Variants in LCLAT1 observed in about 807,000 individuals in gnomAD.
LCLAT1 encodes lysocardiolipin acyltransferase 1, also known as 1-AGP acyltransferase 8.
A neutral mutation model predicts 30.7 loss-of-function variants in LCLAT1; 11 were observed. The observed-to-expected ratio is 0.36, with a 90% CI of 0.23 to 0.59. The LOEUF is 0.59. Among genes scored for constraint, LCLAT1 ranks in the 20% least tolerant of loss-of-function variants. The pLI, the probability that LCLAT1 is intolerant of heterozygous loss-of-function variation, is 0.77. For synonymous variants in LCLAT1, 155 were observed against 151.3 expected, an observed-to-expected ratio of 1.02 and a Z score of -0.18; for missense variants, 402 against 458.6, an observed-to-expected ratio of 0.88 and a Z score of 1.13.
At chr2:30,482,301 C>G (rs1337904991) in intron 1 of LCLAT1, among the ~76,000 whole-genome samples, 2 of 151,768 alleles carry the variant, frequency 1.3e-5, no homozygotes, top group Non-Finnish European at 2.9e-5. Context: ...GATTTTTTTT[C>G]CAGGCATGTT....
intron 1 of LCLAT1, among the ~76,000 whole-genome samples, chr2:30,459,043 T>G (rs939162925): frequency 9.2e-5 from 14 of 152,230 alleles, no homozygotes; most frequent in Non-Finnish European, 5.9e-5. Context: ...GTTTTTGTAA[T>G]TTGGCAGTAG....
chr2:30,494,157 A>G (rs1360572619), intron 1 of LCLAT1, among the ~76,000 whole-genome samples: 1 of 152,196 alleles, frequency 6.6e-6, no homozygotes, highest in Non-Finnish European at 1.5e-5. Flanking sequence ...CAGGAGTTTG[A>G]GGTTGCAGTA....
intron 1 of LCLAT1, among the ~76,000 whole-genome samples, chr2:30,491,820 A>C (rs1464606628): frequency 6.6e-6 from 1 of 152,168 alleles, no homozygotes; most frequent in Non-Finnish European, 1.5e-5. Flanking sequence ...CTGGACTTTC[A>C]GGGGGAAGTG....
chr2:30,471,814 C>G (rs996345671), intron 1 of LCLAT1, among the ~76,000 whole-genome samples: 1 of 152,106 alleles, frequency 6.6e-6, no homozygotes, highest in African/African-American at 2.4e-5. Flanking sequence ...AGGATCATGT[C>G]ATGTGCAGAT....
chr2:30,508,146 T>A (rs1175163514), intron 1 of LCLAT1, among the ~76,000 whole-genome samples: 1 of 152,088 alleles, frequency 6.6e-6, no homozygotes, highest in Non-Finnish European at 1.5e-5. Flanking sequence ...GTTTTTCTCT[T>A]GTAAGTTTAA....
Position 30,539,779 on chromosome 2 carries a change from G to T in LCLAT1, c.364+6465G>T, listed in dbSNP as rs367898456. Among the ~76,000 whole-genome samples, 19 of 152,246 alleles carry T rather than the reference G, an allele frequency of 1.2e-4. No homozygotes were observed. In the East Asian group the frequency reaches 3.3e-3, roughly 26 times the overall value. Reference sequence around the variant, plus strand: ...AATCTCTAATAATTTGTTATTATGTGCTGTGTACAGAATACTGTGTAAGGG... The same window carrying T: ...AATCTCTAATAATTTGTTATTATGTTCTGTGTACAGAATACTGTGTAAGGG... On this transcript the variant is annotated intron_variant, in intron 3 of 5. Transcript: ENST00000379509.
intron 1 of LCLAT1, among the ~76,000 whole-genome samples, chr2:30,461,863 C>T (rs377752323): frequency 1.1e-3 from 160 of 149,098 alleles, no homozygotes; most frequent in African/African-American, 2.9e-3. Flanking sequence ...CTCCGCCTCC[C>T]GGGTTCACGC....
intron 5 of LCLAT1, among the ~76,000 whole-genome samples, chr2:30,638,457 G>T (rs1669141608): frequency 6.6e-6 from 1 of 152,146 alleles, no homozygotes; most frequent in Non-Finnish European, 1.5e-5. Flanking sequence ...GGCAACGACT[G>T]TTCTGATTTC....
At chr2:30,452,383 ATTT>A (rs200058814) in intron 1 of LCLAT1, among the ~76,000 whole-genome samples, 1 of 145,908 alleles carries the variant, frequency 6.9e-6, no homozygotes, top group Non-Finnish European at 1.5e-5. Context: ...GAAAAGTATA[ATTT>A]TTTTTTTTTT....
At chr2:30,475,649 A>G (rs994372410) in intron 1 of LCLAT1, among the ~76,000 whole-genome samples, 1 of 152,170 alleles carries the variant, frequency 6.6e-6, no homozygotes, top group Non-Finnish European at 1.5e-5. Flanking sequence ...GTTTTATACA[A>G]CTCAGCCCAG....
Position 30,455,909 on chromosome 2 carries a change from CAAAAAAAAAA to C in LCLAT1, c.-5+8545_-5+8554del, listed in dbSNP as rs3060184. 1.3e-4 allele frequency among the ~76,000 whole-genome samples: 8 copies of C among 61,000 alleles called. 1 individual carries two copies. In the South Asian group the frequency reaches 3.9e-3, roughly 30 times the overall value. 40.0% of individuals were successfully genotyped at this position (61,000 alleles called of 152,430 possible). A position where few individuals can be genotyped will look rare whatever the true frequency, so the allele number is the denominator to read the frequency against. On this transcript the variant is annotated intron_variant, in intron 1 of 5. Transcript: ENST00000379509. ...TGGGTGACGGAGTGAGACCCTATATCAAAAAAAAAAAAAAAAAAAAAAAAAAAATTGGAAG... is the reference window on the plus strand; with the variant it reads ...TGGGTGACGGAGTGAGACCCTATATCAAAAAAAAAAAAAAAAAATTGGAAG...
At chr2:30,519,842 C>G (rs1685387703) in intron 1 of LCLAT1, among the ~76,000 whole-genome samples, 1 of 152,172 alleles carries the variant, frequency 6.6e-6, no homozygotes, top group Non-Finnish European at 1.5e-5. Flanking sequence ...CTCTTCTGGT[C>G]CACGTTTGTT....
chr2:30,563,681 G>A (rs1337188433), intron 4 of LCLAT1, among the ~76,000 whole-genome samples: 1 of 152,130 alleles, frequency 6.6e-6, no homozygotes, highest in African/African-American at 2.4e-5. Context: ...GCAACCCTTG[G>A]AATTTAAGAG....
intron 1 of LCLAT1, among the ~76,000 whole-genome samples, chr2:30,508,901 A>G (rs1416563203): frequency 6.6e-6 from 1 of 152,228 alleles, no homozygotes; most frequent in African/African-American, 2.4e-5. Flanking sequence ...ATCCATGAGC[A>G]TGAAATGTTT....
At chr2:30,547,723 T>G (rs980705051) in intron 3 of LCLAT1, among the ~76,000 whole-genome samples, 2 of 95,690 alleles carry the variant, frequency 2.1e-5, no homozygotes, top group South Asian at 2.9e-4. Flanking sequence ...GATGGCATAG[T>G]AGAGTGGGAG....
intron 5 of LCLAT1, among the ~76,000 whole-genome samples, chr2:30,608,826 A>G (rs1222968498): frequency 6.6e-6 from 1 of 152,152 alleles, no homozygotes. Flanking sequence ...ACATAGTTGT[A>G]TGTCCAAGAG....
chr2:30,538,808 T>G (rs945843891), intron 3 of LCLAT1, among the ~76,000 whole-genome samples: 1 of 152,004 alleles, frequency 6.6e-6, no homozygotes, highest in African/African-American at 2.4e-5. Flanking sequence ...CCTGAACATA[T>G]AAACTTTCAA....
intron 2 of LCLAT1, among the ~76,000 whole-genome samples, chr2:30,530,614 G>A (rs939541329): frequency 1.3e-5 from 2 of 152,166 alleles, no homozygotes; most frequent in African/African-American, 2.4e-5. Flanking sequence ...GGTGCAGTCA[G>A]ATCTCACTGT....
intron 3 of LCLAT1, among the ~76,000 whole-genome samples, chr2:30,534,514 G>T (rs1364459107): frequency 6.6e-6 from 1 of 152,292 alleles, no homozygotes; most frequent in Admixed American, 6.5e-5. Context: ...TCCTGACCTC[G>T]TAAGCCGCCT....
Sources: gnomAD v4.1 joint callset for allele counts (sites outside exome capture counted in the v4.1 genomes callset) on GRCh38, gnomAD v4.1.1 for gene constraint, MANE v1.5 for transcripts, NCBI Gene and HGNC (gene_info 2026-07-23, HGNC 2026-07-21) for gene names.